DNAH6: variants seen among roughly 807,000 people sequenced by gnomAD.
DNAH6 encodes the protein axonemal beta dynein heavy chain 6.
In DNAH6, 340 loss-of-function variants were observed where a neutral mutation model predicts 491.4. That is an observed-to-expected ratio of 0.69 (90% CI 0.63 to 0.76). DNAH6 has a LOEUF of 0.76. DNAH6 is among the 30% of genes least tolerant of loss of function. The probability of loss-of-function intolerance (pLI) is 0.00; values close to 1 mark genes in which losing one functional copy is unlikely to be tolerated. For missense variants in DNAH6, 4,443 were observed against 4,972.2 expected (o/e 0.89, Z 3.20); for synonymous variants, 1,603 against 1,686.1 (o/e 0.95, Z 1.21).
intron 41 of DNAH6, among the ~76,000 whole-genome samples, chr2:84,677,922 G>A (rs968391782): frequency 1.3e-5 from 2 of 152,154 alleles, no homozygotes; most frequent in Non-Finnish European, 2.9e-5. Flanking sequence ...GGGCACAAAG[G>A]TAGAATAAGA....
At chr2:84,686,794 T>C (rs570434912) in intron 44 of DNAH6, among the ~76,000 whole-genome samples, 1 of 152,310 alleles carries the variant, frequency 6.6e-6, no homozygotes, top group East Asian at 1.9e-4. Context: ...TTGCTTTTGC[T>C]CTACAACAGC....
At chr2:84,507,613 A>C in the DNAH6 span, among the ~76,000 whole-genome samples, 1 of 152,000 alleles carries the variant, frequency 6.6e-6, no homozygotes, top group African/African-American at 2.4e-5. Context: ...GTTGAATAGG[A>C]GTGGTGAGAG....
In DNAH6 at chr2:84,713,277, G is replaced by A. The variant is rs1267702173; in HGVS notation, c.9543+18G>A. On this transcript the variant is annotated intron_variant, in intron 57 of 76. Coordinates refer to ENST00000389394, the MANE Select transcript of DNAH6 (RefSeq NM_001370.2). ...TGCCTGAGGTATGAACTACTGGTCT[G>A]GAATTCTCAACTTAACTGGATTATC... The A allele has an allele frequency of 6.5e-7, 1 of 1,546,102 alleles. No individual in the cohort carries two copies. Among genetic ancestry groups the A allele is most frequent in the East Asian group, 2.4e-5 (1 of 40,836 alleles).
At chr2:84,494,725 G>A in the DNAH6 span, among the ~76,000 whole-genome samples, 122 of 152,324 alleles carry the variant, frequency 8.0e-4, no homozygotes, top group African/African-American at 2.9e-3. Flanking sequence ...TCCTGTAACT[G>A]GATGTGATCA....
At chr2:84,726,176 T>C in intron 60 of DNAH6, among the ~76,000 whole-genome samples, 1 of 152,170 alleles carries the variant, frequency 6.6e-6, no homozygotes, top group Non-Finnish European at 1.5e-5. Flanking sequence ...GGATGCTTCT[T>C]GACCCTGATC....
intron 18 of DNAH6, among the ~76,000 whole-genome samples, chr2:84,597,144 C>A (rs1450916277): frequency 6.6e-6 from 1 of 152,104 alleles, no homozygotes; most frequent in South Asian, 2.1e-4. Context: ...TATAGTTTTG[C>A]CTTTTACAGA....
chr2:84,511,394 G>C, the DNAH6 span, among the ~76,000 whole-genome samples: 1 of 152,204 alleles, frequency 6.6e-6, no homozygotes, highest in Non-Finnish European at 1.5e-5. Context: ...ATAATCTCCT[G>C]GTGTGCCGTT....
intron 64 of DNAH6, among the ~76,000 whole-genome samples, chr2:84,769,071 T>G (rs1237713824): frequency 2.6e-5 from 4 of 152,244 alleles, no homozygotes; most frequent in Admixed American, 2.6e-4. Flanking sequence ...CAGCCACTAT[T>G]GTCTGTAAAA....
chr2:84,753,279 T>C (rs745751371), intron 63 of DNAH6, among the ~76,000 whole-genome samples: 2 of 152,224 alleles, frequency 1.3e-5, no homozygotes, highest in Non-Finnish European at 2.9e-5. Context: ...AGCTACAAGT[T>C]TCTTATCAGA....
rs530224725 is a variant in DNAH6 at position 84,593,331 on chromosome 2, G to C, written c.2611-641G>C. Among the ~76,000 whole-genome samples the C allele has an allele frequency of 2.0e-5, 3 of 152,202 alleles. No homozygotes were observed. The South Asian group carries it at 6.2e-4, about 32-fold the overall frequency. On this transcript the variant is annotated intron_variant, in intron 16 of 76. Transcript: ENST00000389394. ...ATTTGCAACTCTTAATAGAAGACAA[G>C]ACTAAATTCCTAATGTCAAAGCACA... is the stretch of plus-strand genomic sequence containing the variant.
At chr2:84,722,595 C>A in intron 59 of DNAH6, 30 bp from the exon 60 acceptor site, 1 of 1,519,686 alleles carries the variant, frequency 6.6e-7, no homozygotes, top group Non-Finnish European at 8.8e-7. Flanking sequence ...GAACAGATCC[C>A]TAAGAACTTG....
chr2:84,743,678 C>T (rs1167164092), intron 62 of DNAH6, among the ~76,000 whole-genome samples: 1 of 152,024 alleles, frequency 6.6e-6, no homozygotes, highest in East Asian at 1.9e-4. Flanking sequence ...AAAAATTAGC[C>T]TGGTGTGGTG....
the DNAH6 span, among the ~76,000 whole-genome samples, chr2:84,506,881 A>G: frequency 2.0e-5 from 3 of 151,682 alleles, no homozygotes; most frequent in African/African-American, 2.4e-5. Context: ...AGTTGTAGAT[A>G]TGTGGCATTA....
At chr2:84,533,966 A>T (rs2104471821) in intron 4 of DNAH6, among the ~76,000 whole-genome samples, 1 of 152,226 alleles carries the variant, frequency 6.6e-6, no homozygotes, top group South Asian at 2.1e-4. Flanking sequence ...GGGGAAAAGG[A>T]GCTAGCTGTG....
In DNAH6 at chr2:84,744,928, G is replaced by A. The variant is rs1397653972; in HGVS notation, c.10343-152G>A. Among the ~76,000 whole-genome samples, 3 of 152,136 alleles carry A rather than the reference G, an allele frequency of 2.0e-5. No homozygotes were observed. In the East Asian group the frequency reaches 5.8e-4, roughly 29 times the overall value. On this transcript the variant is annotated intron_variant, in intron 62 of 76. Coordinates refer to ENST00000389394, the MANE Select transcript of DNAH6 (RefSeq NM_001370.2). ...TTTTAAATTCTTTACTTTTTGATTAGGTTGGGTAGCAGGGGAGACTGATGT... is the reference window on the plus strand; with the variant it reads ...TTTTAAATTCTTTACTTTTTGATTAAGTTGGGTAGCAGGGGAGACTGATGT...
chr2:84,564,871 C>G (rs887968022), intron 11 of DNAH6, among the ~76,000 whole-genome samples: 15 of 152,062 alleles, frequency 9.9e-5, no homozygotes, highest in African/African-American at 3.6e-4. Context: ...CCTTTGATCC[C>G]TAGTCTGCTT....
In DNAH6 at chr2:84,819,467, A is replaced by G. The variant is rs1035457129; in HGVS notation, c.*59A>G. On this transcript the variant is annotated 3_prime_UTR_variant, in exon 77 of 77. Coordinates refer to ENST00000389394, the MANE Select transcript of DNAH6 (RefSeq NM_001370.2). The stretch of plus-strand genomic sequence containing the variant: ...GCCAGAGATCTTTCCTAATGGGAGC[A>G]AAAGGTTTGAATAATTTATATGTGA... 1.8e-6 allele frequency: 2 copies of G among 1,108,938 alleles called. No homozygotes were observed. Among genetic ancestry groups the G allele is most frequent in the African/African-American group, 3.2e-5 (2 of 62,628 alleles). The allele number at this position is 1,108,938 out of a possible 1,614,324, so 68.7% of individuals were successfully genotyped here.
the DNAH6 span, among the ~76,000 whole-genome samples, chr2:84,504,127 T>C: frequency 6.6e-6 from 1 of 152,136 alleles, no homozygotes; most frequent in East Asian, 1.9e-4. Context: ...CCGTGTATTT[T>C]CAAATACCCT....
At chr2:84,611,932 T>A in intron 22 of DNAH6, 78 bp downstream of exon 22, 1 of 1,278,308 alleles carries the variant, frequency 7.8e-7, no homozygotes, top group Non-Finnish European at 1.1e-6. Context: ...GACTAAAATG[T>A]TTCTCTGGGA....
Sources: allele counts gnomAD v4.1 joint callset (sites outside exome capture counted in the v4.1 genomes callset), GRCh38; gene constraint gnomAD v4.1.1; transcripts MANE v1.5; gene names NCBI Gene and HGNC (gene_info 2026-07-23, HGNC 2026-07-21).